Variants in ITFG1 observed in about 807,000 individuals in gnomAD.
The protein encoded by ITFG1 is T-cell immunomodulatory protein.
ITFG1 carries 34 observed loss-of-function variants against 81.8 expected under a neutral mutation model. The ratio of observed to expected loss-of-function variants is 0.42; its 90% confidence interval spans 0.32 to 0.55. The LOEUF (loss-of-function observed/expected upper bound fraction) is 0.55, where lower values mean the gene tolerates loss of function less well. ITFG1 is among the 20% of genes least tolerant of loss of function. ITFG1 has a pLI of 0.17. For synonymous variants in ITFG1, 285 were observed against 270.6 expected, an observed-to-expected ratio of 1.05 and a Z score of -0.52; for missense variants, 672 against 755.4, an observed-to-expected ratio of 0.89 and a Z score of 1.29.
chr16:47,293,872 T>G (rs538402630), intron 10 of ITFG1, among the ~76,000 whole-genome samples: 1 of 152,164 alleles, frequency 6.6e-6, no homozygotes, highest in Non-Finnish European at 1.5e-5. Flanking sequence ...TTAGTTCAAT[T>G]AAGTCCCATA....
chr16:47,304,231 G>T (rs1276869541), intron 10 of ITFG1, among the ~76,000 whole-genome samples: 1 of 152,150 alleles, frequency 6.6e-6, no homozygotes, highest in Non-Finnish European at 1.5e-5. Flanking sequence ...CTCATGTTGT[G>T]CCAGTCTAGC....
chr16:47,399,572 C>CAA (rs749907275), intron 6 of ITFG1, among the ~76,000 whole-genome samples: 19 of 123,980 alleles, frequency 1.5e-4, no homozygotes, highest in East Asian at 4.6e-4. Context: ...GACTCCGTCT[C>CAA]AAAAAAAAAA....
At chr16:47,353,161 T>C (rs1333230864) in intron 8 of ITFG1, among the ~76,000 whole-genome samples, 1 of 151,966 alleles carries the variant, frequency 6.6e-6, no homozygotes, top group Non-Finnish European at 1.5e-5. Flanking sequence ...TAGACATATG[T>C]AACAAACCTG....
intron 8 of ITFG1, 139 bp downstream of exon 8, chr16:47,365,649 T>C (rs908595982): frequency 1.6e-5 from 9 of 564,484 alleles, no homozygotes; most frequent in Admixed American, 1.5e-4. Context: ...TATTATGGAA[T>C]AGGCATCTTT....
intron 10 of ITFG1, among the ~76,000 whole-genome samples, chr16:47,297,272 A>G (rs1462934199): frequency 6.6e-6 from 1 of 152,200 alleles, no homozygotes; most frequent in Non-Finnish European, 1.5e-5. Context: ...CATGTGAGGA[A>G]AATCTTTTTC....
At chr16:47,196,371 G>C (rs1965358119) in intron 14 of ITFG1, 1 of 151,936 alleles carries the variant, frequency 6.6e-6, no homozygotes. Flanking sequence ...CTTATCGTCT[G>C]CTCTTGCAGT....
At chr16:47,394,036 A>C (rs561982556) in intron 6 of ITFG1, among the ~76,000 whole-genome samples, 89 of 152,342 alleles carry the variant, frequency 5.8e-4, no homozygotes, top group Non-Finnish European at 5.1e-4. Context: ...TTTCAGGATA[A>C]TGCTAGAAAT....
intron 6 of ITFG1, among the ~76,000 whole-genome samples, chr16:47,387,208 G>C (rs186242390): frequency 1.3e-5 from 2 of 152,164 alleles, no homozygotes; most frequent in African/African-American, 4.8e-5. Context: ...GACAAGGTAC[G>C]TCTCCAAAGC....
At chr16:47,370,614 G>A (rs1357819456) in intron 7 of ITFG1, among the ~76,000 whole-genome samples, 2 of 152,242 alleles carry the variant, frequency 1.3e-5, no homozygotes, top group African/African-American at 2.4e-5. Flanking sequence ...GCCTAAGTCA[G>A]AAGCTGCTTG....
At chr16:47,159,296 T>C (rs1401071983) in intron 16 of ITFG1, among the ~76,000 whole-genome samples, 2 of 152,188 alleles carry the variant, frequency 1.3e-5, no homozygotes, top group Non-Finnish European at 2.9e-5. Context: ...GGTAAACATA[T>C]CCAAGGGTAC....
intron 10 of ITFG1, among the ~76,000 whole-genome samples, chr16:47,300,765 G>A (rs1252281770): frequency 6.6e-6 from 1 of 152,218 alleles, no homozygotes; most frequent in Non-Finnish European, 1.5e-5. Flanking sequence ...AATACAGAAT[G>A]TTAGTGCTGG....
At chr16:47,238,270 C>T (rs896755314) in intron 12 of ITFG1, 6 of 256,486 alleles carry the variant, frequency 2.3e-5, no homozygotes, top group Non-Finnish European at 3.7e-5. Context: ...TCATACCATA[C>T]CTAAAATAGA....
intron 5 of ITFG1, among the ~76,000 whole-genome samples, chr16:47,441,245 G>C (rs1230244363): frequency 6.6e-6 from 1 of 152,142 alleles, no homozygotes; most frequent in Admixed American, 6.5e-5. Context: ...AATTCTACCA[G>C]AGGTACAAGG....
chr16:47,254,140 A>G (rs1966113496), intron 12 of ITFG1, among the ~76,000 whole-genome samples: 2 of 151,976 alleles, frequency 1.3e-5, no homozygotes, highest in Admixed American at 6.6e-5. Context: ...AAAGCATTCA[A>G]GCAGAAGCTA....
chr16:47,213,375 T>C (rs985068811), intron 14 of ITFG1, among the ~76,000 whole-genome samples: 1 of 152,218 alleles, frequency 6.6e-6, no homozygotes, highest in African/African-American at 2.4e-5. Context: ...TTGAAAAGAA[T>C]GTATTGCTGT....
At chr16:47,308,620 A>C (rs1343706412) in intron 10 of ITFG1, among the ~76,000 whole-genome samples, 1 of 152,206 alleles carries the variant, frequency 6.6e-6, no homozygotes, top group African/African-American at 2.4e-5. Context: ...AGTAATACAA[A>C]CTAAAATTAC....
intron 8 of ITFG1, among the ~76,000 whole-genome samples, chr16:47,328,572 TAAAAC>T (rs1967594365): frequency 6.6e-6 from 1 of 152,110 alleles, no homozygotes; most frequent in Non-Finnish European, 1.5e-5. Flanking sequence ...CACACGGTGT[TAAAAC>T]AGAAGAAAAA....
chr16:47,365,705 G>T, intron 8 of ITFG1, 83 bp downstream of exon 8: 2 of 801,976 alleles, frequency 2.5e-6, no homozygotes, highest in Non-Finnish European at 2.1e-6. Context: ...TTCCTGCTAT[G>T]GGGAATTAAT....
chr16:47,397,694 C>T (rs1367325225), intron 6 of ITFG1, among the ~76,000 whole-genome samples: 1 of 152,080 alleles, frequency 6.6e-6, no homozygotes, highest in Non-Finnish European at 1.5e-5. Context: ...GTCAACAGTA[C>T]CACGATTAAG....
Sources: gnomAD v4.1 joint callset for allele counts (sites outside exome capture counted in the v4.1 genomes callset) on GRCh38, gnomAD v4.1.1 for gene constraint, MANE v1.5 for transcripts, NCBI Gene and HGNC (gene_info 2026-07-23, HGNC 2026-07-21) for gene names.